CNGB3: variants seen among roughly 807,000 people sequenced by gnomAD.
CNGB3 encodes cyclic nucleotide-gated channel beta-3.
CNGB3 carries 86 observed loss-of-function variants against 92.8 expected under a neutral mutation model. The observed-to-expected ratio is 0.93, with a 90% confidence interval of 0.78 to 1.11. The LOEUF (loss-of-function observed/expected upper bound fraction) is 1.11, where lower values mean the gene tolerates loss of function less well. Ranked by LOEUF, CNGB3 falls within the 50% of genes least tolerant of loss-of-function variation. The pLI is 0.00. For synonymous variants in CNGB3, 333 were observed against 332.7 expected (o/e 1.00, Z -0.01); for missense variants, 1,026 against 956.8 (o/e 1.07, Z -0.95).
intron 3 of CNGB3, among the ~76,000 whole-genome samples, chr8:86,699,949 C>G (rs948544824): frequency 1.3e-5 from 2 of 152,082 alleles, no homozygotes; most frequent in African/African-American, 4.8e-5. Flanking sequence ...CATCCAATCT[C>G]TCTTTCTTTC....
chr8:86,725,148 T>A (rs923625099), intron 3 of CNGB3, among the ~76,000 whole-genome samples: 1 of 152,152 alleles, frequency 6.6e-6, no homozygotes, highest in East Asian at 1.9e-4. Flanking sequence ...TCAATTGCCG[T>A]GGGTTATTGT....
intron 13 of CNGB3, among the ~76,000 whole-genome samples, chr8:86,624,752 C>T (rs1163787313): frequency 6.6e-6 from 1 of 152,186 alleles, no homozygotes; most frequent in Admixed American, 6.5e-5. Context: ...CACCCTCATC[C>T]TTCTTAACCT....
At chr8:86,673,771 A>T (rs1338514182) in intron 3 of CNGB3, among the ~76,000 whole-genome samples, 1 of 110,858 alleles carries the variant, frequency 9.0e-6, no homozygotes, top group Non-Finnish European at 1.8e-5. Context: ...AGATGTTTGT[A>T]TGAAGTAGCG....
chr8:86,625,140 A>G (rs1822821115), intron 13 of CNGB3, among the ~76,000 whole-genome samples: 2 of 152,004 alleles, frequency 1.3e-5, no homozygotes, highest in Non-Finnish European at 1.5e-5. Context: ...ACCCAGTCTC[A>G]GGTATTTTTT....
intron 3 of CNGB3, among the ~76,000 whole-genome samples, chr8:86,710,549 C>T (rs984957763): frequency 3.3e-5 from 5 of 152,188 alleles, no homozygotes; most frequent in African/African-American, 1.2e-4. Context: ...TTAGCCAGCT[C>T]TTCCAGCCAT....
rs776201634 is a variant in CNGB3 at position 86,668,121 on chromosome 8, T to C, written c.541A>G (p.Thr181Ala). The C allele has an allele frequency of 1.9e-6, 3 of 1,614,136 alleles. No individual in the cohort carries two copies. The South Asian group carries it at 3.3e-5, about 18-fold the overall frequency. ...PPVKESDDKP[T>A]EHYYRLLWFK... is the part of the protein sequence containing the mutation. Reference sequence around the variant, plus strand: ...CACAACAGCCTGTAGTAATGTTCTGTTGGCTTATCATCGCTTTCTTTTACT... The same window carrying C: ...CACAACAGCCTGTAGTAATGTTCTGCTGGCTTATCATCGCTTTCTTTTACT... The change falls in exon 5 of 18, where the codon ACA (threonine) becomes GCA (alanine). Residue 181 changes from threonine (T) to alanine (A), a missense_variant. Thr to Ala is a moderately conservative substitution (Grantham distance 58). Coordinates refer to ENST00000320005, the MANE Select transcript of CNGB3 (RefSeq NM_019098.5).
chr8:86,611,112 G>A (rs796560395), intron 14 of CNGB3, among the ~76,000 whole-genome samples: 45 of 152,190 alleles, frequency 3.0e-4, no homozygotes, highest in African/African-American at 8.2e-4. Context: ...ATGTTTTTAT[G>A]TGTTTTCTAT....
chr8:86,730,914 A>G (rs1825145383), intron 2 of CNGB3, among the ~76,000 whole-genome samples: 1 of 152,230 alleles, frequency 6.6e-6, no homozygotes, highest in African/African-American at 2.4e-5. Context: ...CAGAAAAATG[A>G]CATACTTTAT....
intron 13 of CNGB3, among the ~76,000 whole-genome samples, chr8:86,623,130 A>C (rs1408665765): frequency 6.6e-6 from 1 of 152,112 alleles, no homozygotes; most frequent in Non-Finnish European, 1.5e-5. Context: ...TTCCATACTT[A>C]CATCTTAAGT....
chr8:86,712,798 C>T (rs1824774872), intron 3 of CNGB3, among the ~76,000 whole-genome samples: 2 of 142,542 alleles, frequency 1.4e-5, no homozygotes, highest in African/African-American at 2.6e-5. Flanking sequence ...GCTGTGTTGC[C>T]TAGGCGGGCC....
Position 86,576,060 on chromosome 8 carries a change from T to C in CNGB3, c.2174A>G (p.Asp725Gly), listed in dbSNP as rs1442110643. ...TTTATCTTCATTTTCTTTTTGTTTA[T>C]CTTCATTTTCTTTTTGTTTATCTTC... ...ENEDKQKENE[D>G]KQKENEDKGK... Residue 725 changes from aspartate to glycine, a missense_variant, in exon 18 of 18, where the codon GAT becomes GGT. Physicochemically the swap from Asp to Gly is moderately conservative, Grantham distance 94. Transcript: ENST00000320005. The C allele has an allele frequency of 1.1e-5, 18 of 1,601,952 alleles. No homozygotes were observed. The highest frequency in any genetic ancestry group is 1.5e-5 in the Non-Finnish European group (18 of 1,173,742).
intron 3 of CNGB3, among the ~76,000 whole-genome samples, chr8:86,685,170 A>C (rs575248760): frequency 6.6e-6 from 1 of 152,104 alleles, no homozygotes; most frequent in South Asian, 2.1e-4. Flanking sequence ...TTACAACTGC[A>C]TGCAAATCTA....
intron 15 of CNGB3, among the ~76,000 whole-genome samples, chr8:86,588,821 C>A (rs1409952293): frequency 1.3e-5 from 2 of 151,370 alleles, no homozygotes; most frequent in Non-Finnish European, 2.9e-5. Context: ...TGTCTCTGCC[C>A]GGCTTTGGTA....
At position 86,671,012 on chromosome 8, in the gene CNGB3, C is replaced by T. The variant is rs867464296; in HGVS notation, c.425G>A (p.Arg142Lys). 6.2e-7 allele frequency: 1 copy of T among 1,613,592 alleles called. No individual in the cohort carries two copies. Among genetic ancestry groups the T allele is most frequent in the East Asian group, 2.2e-5 (1 of 44,860 alleles). ...CAACTTTTTCTTGTAGAGGGCTGTT[C>T]TTTGACGCATTCTTTTCACCAGGTT... Reference protein sequence around the residue: ...LHNLVKRMRQRTALYKKKLVE... With the variant: ...LHNLVKRMRQKTALYKKKLVE... Residue 142 changes from arginine (R) to lysine (K), a missense_variant, in exon 4 of 18, where the codon AGA (arginine) becomes AAA (lysine). Arg to Lys is a conservative substitution (Grantham distance 26, BLOSUM62 2). Coordinates refer to ENST00000320005, the MANE Select transcript of CNGB3 (RefSeq NM_019098.5).
intron 15 of CNGB3, among the ~76,000 whole-genome samples, chr8:86,603,820 A>T (rs1822358324): frequency 6.6e-6 from 1 of 152,168 alleles, no homozygotes; most frequent in Non-Finnish European, 1.5e-5. Context: ...CTCATTTACT[A>T]ATTCATTTGC....
chr8:86,579,387 T>C, intron 15 of CNGB3, 135 bp from the exon 16 acceptor site: 2 of 1,033,618 alleles, frequency 1.9e-6, no homozygotes. Flanking sequence ...GTCCAGGTGA[T>C]TGTGCAGAGA....
intron 15 of CNGB3, among the ~76,000 whole-genome samples, chr8:86,591,640 G>T (rs1485225622): frequency 6.6e-6 from 1 of 152,228 alleles, no homozygotes; most frequent in South Asian, 2.1e-4. Context: ...GTGCCTCCCA[G>T]TTAGGCTGCT....
chr8:86,718,160 A>C (rs1194031478), intron 3 of CNGB3, among the ~76,000 whole-genome samples: 1 of 152,140 alleles, frequency 6.6e-6, no homozygotes, highest in East Asian at 1.9e-4. Context: ...AGAAATAACC[A>C]AGATCAGAGC....
At chr8:86,625,699 C>T (rs187101454) in intron 13 of CNGB3, among the ~76,000 whole-genome samples, 97 of 152,086 alleles carry the variant, frequency 6.4e-4, no homozygotes, top group African/African-American at 2.3e-3. Flanking sequence ...CTAGCAAAGA[C>T]ATAGAGCCAT....
Sources: gnomAD v4.1 joint callset for allele counts (sites outside exome capture counted in the v4.1 genomes callset) on GRCh38, gnomAD v4.1.1 for gene constraint, MANE v1.5 for transcripts, NCBI Gene and HGNC (gene_info 2026-07-23, HGNC 2026-07-21) for gene names.